Variants in NINJ2 observed in about 807,000 individuals in gnomAD.
NINJ2 encodes ninjurin 2, also known as ninjurin-2.
NINJ2 carries 12 observed loss-of-function variants against 11.7 expected under a neutral mutation model. The observed-to-expected ratio is 1.02, with a 90% CI of 0.66 to 1.66. The LOEUF is 1.66. Ranked by LOEUF, NINJ2 falls within the 40% of genes most tolerant of loss-of-function variation. NINJ2 has a pLI of 0.00. For missense variants in NINJ2, 187 were observed against 181.8 expected, an observed-to-expected ratio of 1.03 and a Z score of -0.16; for synonymous variants, 93 against 76.8, an observed-to-expected ratio of 1.21 and a Z score of -1.10.
At chr12:625,039 G>A (rs1366075042) in intron 1 of NINJ2, among the ~76,000 whole-genome samples, 2 of 149,478 alleles carry the variant, frequency 1.3e-5, no homozygotes, top group Non-Finnish European at 3.0e-5. Context: ...AACCTGGGAG[G>A]TGGAGGTTGC....
intron 1 of NINJ2, among the ~76,000 whole-genome samples, chr12:651,973 A>G (rs1404513440): frequency 2.0e-5 from 3 of 152,242 alleles, no homozygotes; most frequent in African/African-American, 7.2e-5. Flanking sequence ...CAGGTATCAT[A>G]TATGTGTAAT....
chr12:643,409 C>G, intron 1 of NINJ2: 15 of 984,420 alleles, frequency 1.5e-5, no homozygotes, highest in African/African-American at 1.7e-5. Flanking sequence ...CGCCAGCCCT[C>G]GGGCCTACAT....
chr12:590,607 C>T (rs1437275472), intron 1 of NINJ2: 1 of 152,348 alleles, frequency 6.6e-6, no homozygotes, highest in African/African-American at 2.4e-5. Context: ...CAGCAGTCCG[C>T]CCAGCCACTG....
intron 2 of NINJ2, chr12:565,670 G>A (rs983335598): frequency 3.3e-6 from 2 of 612,854 alleles, no homozygotes; most frequent in South Asian, 3.8e-5. Context: ...GAAGCGGTGA[G>A]CGAGTGAGTG....
At chr12:605,388 A>T (rs1207142496) in intron 1 of NINJ2, among the ~76,000 whole-genome samples, 1 of 152,182 alleles carries the variant, frequency 6.6e-6, no homozygotes, top group Non-Finnish European at 1.5e-5. Flanking sequence ...AGTCCAGATG[A>T]TTCCTATCGG....
intron 1 of NINJ2, among the ~76,000 whole-genome samples, chr12:657,514 G>A (rs1937889706): frequency 6.6e-6 from 1 of 152,126 alleles, no homozygotes; most frequent in Admixed American, 6.6e-5. Flanking sequence ...GCTTGAACCC[G>A]GGAAGCAGAG....
At chr12:599,645 G>A (rs1318433902) in intron 1 of NINJ2, among the ~76,000 whole-genome samples, 1 of 152,156 alleles carries the variant, frequency 6.6e-6, no homozygotes, top group Admixed American at 6.5e-5. Flanking sequence ...ACCCATGTTC[G>A]TGGCTTCATT....
intron 1 of NINJ2, among the ~76,000 whole-genome samples, chr12:569,351 C>T (rs1445138274): frequency 1.3e-5 from 2 of 152,194 alleles, no homozygotes; most frequent in South Asian, 2.1e-4. Context: ...CCTCGGTCTC[C>T]AAGAGCACTC....
At chr12:649,531 G>GTGTGTATATATATATATATATATATATA (rs139452771) in intron 1 of NINJ2, among the ~76,000 whole-genome samples, 2 of 127,698 alleles carry the variant, frequency 1.6e-5, no homozygotes, top group Non-Finnish European at 3.3e-5. Context: ...GTGTATATGT[G>GTGTGTATATATATATATATATATATATA]TATATATATA....
intron 1 of NINJ2, among the ~76,000 whole-genome samples, chr12:656,748 C>CAAA (rs397702753): frequency 2.8e-5 from 3 of 106,522 alleles, no homozygotes; most frequent in Non-Finnish European, 1.9e-5. Flanking sequence ...GACTCTGTCT[C>CAAA]AAAAAAAAAA....
chr12:638,764 C>G (rs1249744651), intron 1 of NINJ2, among the ~76,000 whole-genome samples: 3 of 152,212 alleles, frequency 2.0e-5, no homozygotes, highest in Non-Finnish European at 2.9e-5. Flanking sequence ...GGTTCTTGTA[C>G]TGGTTTCCAC....
intron 1 of NINJ2, among the ~76,000 whole-genome samples, chr12:605,042 T>G (rs1947923372): frequency 6.6e-6 from 1 of 152,196 alleles, no homozygotes; most frequent in Non-Finnish European, 1.5e-5. Context: ...GTGTGATCAG[T>G]GGGTTCTCCT....
intron 1 of NINJ2, among the ~76,000 whole-genome samples, chr12:601,343 G>GT (rs1565630583): frequency 2.1e-5 from 3 of 145,900 alleles, no homozygotes; most frequent in South Asian, 2.2e-4. Flanking sequence ...TCAGGAGATC[G>GT]AGACCATCCT....
At chr12:608,416 T>C (rs1947967092) in intron 1 of NINJ2, among the ~76,000 whole-genome samples, 1 of 152,220 alleles carries the variant, frequency 6.6e-6, no homozygotes, top group African/African-American at 2.4e-5. Flanking sequence ...CTTTTCTAAG[T>C]ACATATTTTA....
rs1375516304 is a variant in NINJ2, at chr12:629,895, A to AT, written c.33+33432_33+33433insA. Among the ~76,000 whole-genome samples, 63 of 60,938 alleles carry AT rather than the reference A, an allele frequency of 1.0e-3. 1 individual carries two copies. The highest frequency in any genetic ancestry group is 2.5e-3 in the African/African-American group (59 of 23,766). 40.0% of individuals were successfully genotyped at this position (60,938 alleles called of 152,430 possible). ...AGAGCAAAACTCAAAAAAAAAAAAAAAATATATATATATATATATATATAT... is the reference window on the plus strand; with the variant it reads ...AGAGCAAAACTCAAAAAAAAAAAAAATAATATATATATATATATATATATAT... On this transcript the variant is annotated intron_variant, in intron 1 of 3. Transcript: ENST00000305108.
rs984846697 is a variant in NINJ2 at position 585,378 on chromosome 12, G to C, written c.34-19200C>G. Among the ~76,000 whole-genome samples the C allele has an allele frequency of 3.3e-5, 5 of 152,154 alleles. No individual in the cohort carries two copies. The highest frequency in any genetic ancestry group is 1.2e-4 in the African/African-American group (5 of 41,424). On this transcript the variant is annotated intron_variant, in intron 1 of 3. Transcript: ENST00000305108. The surrounding 1 kb of genome is among the most constrained non-coding windows in gnomAD (Gnocchi z 4.1). ...GAGGCCAAAGGGAAAGAGTAGGTTC[G>C]CCGGGGACAATCCCACACCAGGAAG... is the stretch of plus-strand genomic sequence containing the variant.
At chr12:610,843 C>G (rs1206841874) in intron 1 of NINJ2, among the ~76,000 whole-genome samples, 1 of 149,270 alleles carries the variant, frequency 6.7e-6, no homozygotes, top group Non-Finnish European at 1.5e-5. Flanking sequence ...CAGTGATTCT[C>G]CTGCCTCAGC....
Position 581,511 on chromosome 12 carries a change from C to A in NINJ2, c.34-15333G>T, listed in dbSNP as rs59288136. ...TCATGCCTTTTCCCTGCCAGCAAAG[C>A]AGGTCCAGCCTGGATCCTCATACCG... is the stretch of plus-strand genomic sequence containing the variant. On this transcript the variant is annotated intron_variant, in intron 1 of 3. Coordinates refer to ENST00000305108, the MANE Select transcript of NINJ2 (RefSeq NM_016533.6). The surrounding 1 kb of genome is among the most constrained non-coding windows in gnomAD (Gnocchi z 4.9). 0.054 allele frequency among the ~76,000 whole-genome samples: 8,237 copies of A among 152,144 alleles called. 338 individuals are homozygous for A. Among genetic ancestry groups the A allele is most frequent in the Non-Finnish European group, 0.08 (5,450 of 67,972 alleles).
At position 591,871 on chromosome 12, in the gene NINJ2, G is replaced by A. The variant is rs759184224; in HGVS notation, c.34-25693C>T. 1.3e-5 allele frequency among the ~76,000 whole-genome samples: 2 copies of A among 152,162 alleles called. No homozygotes were observed. The highest frequency in any genetic ancestry group is 2.4e-5 in the African/African-American group (1 of 41,416). ...TGAAAGAGTGACGTGGCCGGCGGCA[G>A]GTATGGTGTGTGACTTAACTAGTCA... On this transcript the variant is annotated intron_variant, in intron 1 of 3. Transcript: ENST00000305108. This position sits in a 1 kb window ranked among gnomAD's most constrained non-coding sequence, Gnocchi z 5.0.
Sources: allele counts gnomAD v4.1 joint callset (sites outside exome capture counted in the v4.1 genomes callset), GRCh38; gene constraint gnomAD v4.1.1; non-coding constraint Gnocchi (gnomAD v3.1); transcripts MANE v1.5; gene names NCBI Gene and HGNC (gene_info 2026-07-23, HGNC 2026-07-21).